The following MALRD1 variants were observed in gnomAD, a reference collection of about 807,000 sequenced individuals.
MALRD1 encodes MAM and LDL receptor class A domain containing 1, also known as MAM and LDL-receptor class A domain-containing protein 1.
Under a neutral mutation model 242.1 loss-of-function variants are expected in MALRD1, and 247 were observed. The ratio of observed to expected loss-of-function variants is 1.02; its 90% CI spans 0.92 to 1.13. MALRD1 has a LOEUF of 1.13. Among genes scored for constraint, MALRD1 ranks in the 50% most tolerant of loss-of-function variants. MALRD1 has a pLI of 0.00. For missense variants in MALRD1, 2,989 were observed against 2,533.1 expected, an observed-to-expected ratio of 1.18 and a Z score of -3.86; for synonymous variants, 995 against 866.6, an observed-to-expected ratio of 1.15 and a Z score of -2.60.
intron 32 of MALRD1, among the ~76,000 whole-genome samples, chr10:19,563,907 CTGG>C (rs1331168261): frequency 1.3e-5 from 2 of 152,050 alleles, no homozygotes; most frequent in Non-Finnish European, 1.5e-5. Context: ...CTCACAAAAT[CTGG>C]TTGTTGTAAA....
chr10:19,243,288 A>G (rs1010508820), intron 18 of MALRD1, among the ~76,000 whole-genome samples: 9 of 152,034 alleles, frequency 5.9e-5, no homozygotes, highest in Admixed American at 2.0e-4. Context: ...CATAGGTTCT[A>G]TGTCACAACT....
intron 1 of MALRD1, among the ~76,000 whole-genome samples, chr10:19,055,619 A>G (rs1042836418): frequency 2.6e-5 from 4 of 152,304 alleles, no homozygotes; most frequent in African/African-American, 7.2e-5. Context: ...CTTCATCTGC[A>G]TATGGATGTC....
At chr10:19,547,806 ATATATATATATATTTTTTT>A (rs1409840131) in intron 32 of MALRD1, among the ~76,000 whole-genome samples, 3 of 13,732 alleles carry the variant, frequency 2.2e-4, no homozygotes, top group Non-Finnish European at 4.7e-4. Flanking sequence ...ATATATATAT[ATATATATATATATTTTTTT>A]TTTTTTTTTT....
chr10:19,205,016 G>A lies in MALRD1; in HGVS notation c.2329G>A (p.Ala777Thr). ...LYNQGKQWLE[A>T]TIQLGRLSQP... The stretch of plus-strand genomic sequence containing the variant: ...CAATCAGGGCAAACAATGGTTGGAG[G>A]CAACCATTCAGCTAGGGCGCCTTTC... The change falls in exon 17 of 40, where the codon GCA (alanine) becomes ACA (threonine). Residue 777 changes from alanine (A) to threonine (T), a missense_variant. Transcript: ENST00000454679. 6.4e-7 allele frequency: 1 copy of A among 1,550,848 alleles called. No individual in the cohort carries two copies. The highest frequency in any genetic ancestry group is 8.7e-7 in the Non-Finnish European group (1 of 1,147,028).
At chr10:19,274,295 AG>A (rs1378992167) in intron 19 of MALRD1, among the ~76,000 whole-genome samples, 2 of 152,210 alleles carry the variant, frequency 1.3e-5, no homozygotes, top group Admixed American at 1.3e-4. Flanking sequence ...TGCAGCCTTA[AG>A]GGGGAAGGAA....
intron 18 of MALRD1, among the ~76,000 whole-genome samples, chr10:19,217,532 C>CTT (rs34267262): frequency 1.3e-4 from 15 of 116,384 alleles, no homozygotes; most frequent in East Asian, 3.0e-4. Context: ...ATCATGCAGT[C>CTT]TTTTTTTTTT....
intron 14 of MALRD1, among the ~76,000 whole-genome samples, chr10:19,182,656 C>A (rs948250010): frequency 6.6e-6 from 1 of 152,084 alleles, no homozygotes; most frequent in African/African-American, 2.4e-5. Context: ...AACTGCAAAT[C>A]GTATAGCCTT....
At chr10:19,710,084 A>G (rs940321045) in intron 38 of MALRD1, among the ~76,000 whole-genome samples, 1 of 152,060 alleles carries the variant, frequency 6.6e-6, no homozygotes, top group Non-Finnish European at 1.5e-5. Context: ...CTGGGCAACA[A>G]AGCAAAACCC....
intron 28 of MALRD1, among the ~76,000 whole-genome samples, chr10:19,408,071 A>G (rs1833113585): frequency 6.6e-6 from 1 of 152,100 alleles, no homozygotes; most frequent in Admixed American, 6.6e-5. Context: ...AGCCAGAGAG[A>G]TGATAGTCAA....
At chr10:19,435,024 G>A (rs957317197) in intron 28 of MALRD1, among the ~76,000 whole-genome samples, 4 of 151,386 alleles carry the variant, frequency 2.6e-5, no homozygotes, top group African/African-American at 9.7e-5. Flanking sequence ...ATGAATAAAG[G>A]TCAGACAGTT....
chr10:19,418,270 C>G (rs553273320), intron 28 of MALRD1, among the ~76,000 whole-genome samples: 1 of 151,904 alleles, frequency 6.6e-6, no homozygotes, highest in East Asian at 1.9e-4. Context: ...ACCATTCCCC[C>G]CCACGCCCCC....
intron 31 of MALRD1, among the ~76,000 whole-genome samples, chr10:19,511,876 A>G (rs1394530872): frequency 1.3e-5 from 2 of 152,086 alleles, no homozygotes; most frequent in African/African-American, 2.4e-5. Context: ...AGTTTTCATA[A>G]TGAGAGAGGG....
chr10:19,705,833 C>T (rs1482019923), intron 38 of MALRD1, among the ~76,000 whole-genome samples: 2 of 109,288 alleles, frequency 1.8e-5, no homozygotes, highest in Non-Finnish European at 3.4e-5. Context: ...ACAAGAGAGG[C>T]TTCAAAGGAA....
intron 32 of MALRD1, among the ~76,000 whole-genome samples, chr10:19,547,124 G>T (rs977375918): frequency 6.6e-6 from 1 of 151,876 alleles, no homozygotes; most frequent in Non-Finnish European, 1.5e-5. Context: ...ATGCTACATG[G>T]GTCATTTTGC....
intron 14 of MALRD1, among the ~76,000 whole-genome samples, chr10:19,197,892 T>C (rs1293521303): frequency 2.6e-5 from 4 of 152,216 alleles, no homozygotes; most frequent in African/African-American, 9.6e-5. Flanking sequence ...GCTCTTAGAC[T>C]TTATACTTGT....
chr10:19,199,972 T>A (rs56698385), intron 14 of MALRD1, among the ~76,000 whole-genome samples: 16 of 151,986 alleles, frequency 1.1e-4, no homozygotes, highest in East Asian at 5.8e-4. Context: ...CAAAATTTTT[T>A]AAAAAAATTA....
intron 32 of MALRD1, among the ~76,000 whole-genome samples, chr10:19,537,882 A>G (rs1343560284): frequency 6.6e-6 from 1 of 152,130 alleles, no homozygotes; most frequent in African/African-American, 2.4e-5. Flanking sequence ...TATTCAGTCC[A>G]TTGCACAGGG....
intron 33 of MALRD1, among the ~76,000 whole-genome samples, chr10:19,585,738 C>A (rs976874773): frequency 1.3e-5 from 2 of 151,928 alleles, no homozygotes; most frequent in African/African-American, 4.8e-5. Context: ...ATCTTTGTGG[C>A]GTTCTCTGTA....
At chr10:19,601,558 A>C (rs1043929759) in intron 34 of MALRD1, among the ~76,000 whole-genome samples, 1 of 152,084 alleles carries the variant, frequency 6.6e-6, no homozygotes, top group Middle Eastern at 3.4e-3. Context: ...CATAAAGCCA[A>C]AGTCAGTTTT....
Sources: allele counts gnomAD v4.1 joint callset (sites outside exome capture counted in the v4.1 genomes callset), GRCh38; gene constraint gnomAD v4.1.1; transcripts MANE v1.5; gene names NCBI Gene and HGNC (gene_info 2026-07-23, HGNC 2026-07-21).